The following ACACB variants were observed in gnomAD, a reference collection of about 807,000 sequenced individuals.
The protein encoded by ACACB is acetyl-CoA carboxylase 2.
A neutral mutation model predicts 278.8 loss-of-function variants in ACACB; 209 were observed. The observed-to-expected ratio is 0.75, with a 90% CI of 0.67 to 0.84. The LOEUF is 0.84. Among genes scored for constraint, ACACB ranks in the 40% least tolerant of loss-of-function variants. ACACB has a pLI of 0.00. For synonymous variants in ACACB, 1,174 were observed against 1,285.6 expected, an observed-to-expected ratio of 0.91 and a Z score of 1.86; for missense variants, 2,850 against 3,269.0, an observed-to-expected ratio of 0.87 and a Z score of 3.13.
chr12:109,248,318 A>G (rs2047003644), intron 40 of ACACB, among the ~76,000 whole-genome samples: 1 of 152,190 alleles, frequency 6.6e-6, no homozygotes, highest in African/African-American at 2.4e-5. Flanking sequence ...AGTAGGATAT[A>G]TGTATATATG....
In ACACB at chr12:109,145,906, G is replaced by A. The variant is rs1287901330; in HGVS notation, c.653+5848G>A. Among the ~76,000 whole-genome samples the A allele has an allele frequency of 2.6e-5, 4 of 152,026 alleles. No homozygotes were observed. The East Asian group carries it at 7.7e-4, about 29-fold the overall frequency. Reference sequence around the variant, plus strand: ...TGCCTGTAATCCCAGCTCTTCAGGAGGCTGAGTTAGGAGAATCACTTGAAC... The same window carrying A: ...TGCCTGTAATCCCAGCTCTTCAGGAAGCTGAGTTAGGAGAATCACTTGAAC... On this transcript the variant is annotated intron_variant, in intron 2 of 52. Transcript: ENST00000338432.
Position 109,245,763 on chromosome 12 carries a change from G to A in ACACB, c.5301+15G>A. On this transcript the variant is annotated intron_variant, in intron 38 of 52. Transcript: ENST00000338432. ...GTGGAAATGAGGTAATAGCTCAGCGGAGCCTAACCCCTGGCTGGAGTCACC... is the reference window on the plus strand; with the variant it reads ...GTGGAAATGAGGTAATAGCTCAGCGAAGCCTAACCCCTGGCTGGAGTCACC... 6.2e-7 allele frequency: 1 copy of A among 1,612,878 alleles called. No individual in the cohort carries two copies. The highest frequency in any genetic ancestry group is 1.1e-5 in the South Asian group (1 of 90,806).
chr12:109,206,758 C>T lies in ACACB; in HGVS notation c.2962C>T (p.Leu988Phe). 4.3e-6 allele frequency: 7 copies of T among 1,614,162 alleles called. No homozygotes were observed. Among genetic ancestry groups the T allele is most frequent in the Non-Finnish European group, 5.1e-6 (6 of 1,180,020 alleles). ...ELPAQQTLPI[L>F]GEKLHQVFHS... ...CCCTGCCCAGCAGACACTGCCCATC[C>T]TCGGAGAGAAACTGCACCAGGTCTT... The change falls in exon 20 of 53, where the codon CTC becomes TTC. Residue 988 changes from leucine to phenylalanine, a missense_variant. Transcript: ENST00000338432.
intron 2 of ACACB, among the ~76,000 whole-genome samples, chr12:109,140,989 C>G (rs185726712): frequency 6.9e-6 from 1 of 145,620 alleles, no homozygotes; most frequent in Non-Finnish European, 1.5e-5. Flanking sequence ...ACCTCAAACT[C>G]CCGGGCTCAA....
intron 21 of ACACB, among the ~76,000 whole-genome samples, chr12:109,210,712 C>T (rs1217969515): frequency 6.6e-6 from 1 of 150,882 alleles, no homozygotes; most frequent in East Asian, 1.9e-4. Flanking sequence ...GTCAGGAGTT[C>T]GAGACCAGCC....
chr12:109,226,613 C>T (rs371795656), intron 27 of ACACB, among the ~76,000 whole-genome samples: 1 of 150,224 alleles, frequency 6.7e-6, no homozygotes, highest in South Asian at 2.1e-4. Flanking sequence ...GCAGGAGAAT[C>T]GCTTGAACCT....
At chr12:109,262,518 G>C in intron 49 of ACACB, 49 bp downstream of exon 49, 1 of 1,250,616 alleles carries the variant, frequency 8.0e-7, no homozygotes, top group Non-Finnish European at 1.2e-6. Context: ...GAGAGGCCCA[G>C]CTGGCCCACT....
At chr12:109,172,088 T>C (rs2044137260) in intron 5 of ACACB, among the ~76,000 whole-genome samples, 174 bp downstream of exon 5, 1 of 152,042 alleles carries the variant, frequency 6.6e-6, no homozygotes, top group African/African-American at 2.4e-5. Flanking sequence ...CACATTCTGT[T>C]TTTAAAAAAA....
chr12:109,194,186 T>C (rs2268396), intron 16 of ACACB, among the ~76,000 whole-genome samples: 7 of 147,268 alleles, frequency 4.8e-5, no homozygotes, highest in Non-Finnish European at 8.9e-5. Context: ...TCTGTTTTTT[T>C]TTTTTGTTGT....
intron 11 of ACACB, among the ~76,000 whole-genome samples, chr12:109,181,162 T>TCTTTTTTATG (rs374285075): frequency 6.6e-6 from 1 of 152,016 alleles, no homozygotes; most frequent in African/African-American, 2.4e-5. Flanking sequence ...ATGGTCTCAT[T>TCTTTTTTATG]CTTTTTTATG....
intron 20 of ACACB, 80 bp downstream of exon 20, chr12:109,206,936 TTGAG>T: frequency 2.0e-6 from 3 of 1,498,116 alleles, no homozygotes; most frequent in South Asian, 2.3e-5. Context: ...GAGGTCATTA[TTGAG>T]TAAGAAATGA....
intron 21 of ACACB, among the ~76,000 whole-genome samples, chr12:109,211,390 C>T (rs1384919932): frequency 6.2e-5 from 8 of 129,938 alleles, no homozygotes; most frequent in Non-Finnish European, 1.1e-4. Context: ...GTTGGGATTA[C>T]AGGTGTACAC....
chr12:109,209,367 TG>T lies in ACACB; in HGVS notation c.3249+15del. On this transcript the variant is annotated intron_variant, in intron 21 of 52. Coordinates refer to ENST00000338432, the MANE Select transcript of ACACB (RefSeq NM_001093.4). ...CCCAGCCAGCAGGTGCGTGCTCCCC[TG>T]CCCAGCCCCACCCCACCAGGATGGT... The T allele has an allele frequency of 6.3e-7, 1 of 1,599,144 alleles. No individual in the cohort carries two copies. Among genetic ancestry groups the T allele is most frequent in the South Asian group, 1.1e-5 (1 of 89,538 alleles).
At chr12:109,245,840 G>A in intron 38 of ACACB, 92 bp downstream of exon 38, 8 of 1,500,154 alleles carry the variant, frequency 5.3e-6, no homozygotes, top group Non-Finnish European at 7.2e-6. Context: ...TGTAATCCCA[G>A]TGCTTTGGGA....
chr12:109,167,056 G>C (rs2043933315), intron 3 of ACACB, 63 bp downstream of exon 3: 4 of 1,605,028 alleles, frequency 2.5e-6, no homozygotes, highest in Middle Eastern at 1.7e-4. Context: ...CCTCCTCTCA[G>C]CTGGAGGTGG....
At chr12:109,228,194 C>G (rs993604370) in intron 28 of ACACB, among the ~76,000 whole-genome samples, 2 of 151,202 alleles carry the variant, frequency 1.3e-5, no homozygotes. Context: ...CAAAAATTAG[C>G]CTGGCATGGT....
intron 43 of ACACB, 45 bp from the exon 44 acceptor site, chr12:109,254,169 G>C (rs746505561): frequency 1.9e-6 from 3 of 1,610,232 alleles, no homozygotes; most frequent in Non-Finnish European, 2.5e-6. Context: ...AGGTATTATT[G>C]ACAAGCACCA....
intron 2 of ACACB, among the ~76,000 whole-genome samples, chr12:109,140,665 A>T (rs1279116530): frequency 1.3e-5 from 2 of 152,106 alleles, no homozygotes; most frequent in Non-Finnish European, 2.9e-5. Flanking sequence ...TCAAAAAAGG[A>T]AAAAAGGAAA....
rs1416790773 is a variant in ACACB, at chr12:109,223,898, C to G, written c.3876C>G (p.Ser1292=). Residue 1292 remains serine, a synonymous_variant, in exon 27 of 53, where the codon TCC becomes TCG. Transcript: ENST00000338432. ...CAAACAAAGTCGTGTGCATGGCGTC[C>G]TTGGAGGTAAGCAGGAGAGGCCCAG... The part of the protein sequence containing the change: ...YHANKVVCMA[S]LEVYVRRGYI... 6.2e-7 allele frequency: 1 copy of G among 1,613,954 alleles called. No individual in the cohort carries two copies. The highest frequency in any genetic ancestry group is 1.1e-5 in the South Asian group (1 of 91,078).
Sources: allele counts gnomAD v4.1 joint callset (sites outside exome capture counted in the v4.1 genomes callset), GRCh38; gene constraint gnomAD v4.1.1; transcripts MANE v1.5; gene names NCBI Gene and HGNC (gene_info 2026-07-23, HGNC 2026-07-21).